The following ZNF385D variants were observed in gnomAD, a reference collection of about 807,000 sequenced individuals.
The protein encoded by ZNF385D is zinc finger protein 385D.
ZNF385D carries 15 observed loss-of-function variants against 35.8 expected under a neutral mutation model. The observed-to-expected ratio is 0.42, with a 90% CI of 0.28 to 0.64. The LOEUF (loss-of-function observed/expected upper bound fraction) is 0.64. ZNF385D is among the 30% of genes least tolerant of loss of function. The pLI is 0.23. For missense variants in ZNF385D, 474 were observed against 494.6 expected, an observed-to-expected ratio of 0.96 and a Z score of 0.39; for synonymous variants, 212 against 186.8, an observed-to-expected ratio of 1.13 and a Z score of -1.10.
At chr3:22,349,346 C>T (rs997499864) in intron 2 of ZNF385D, among the ~76,000 whole-genome samples, 1 of 152,084 alleles carries the variant, frequency 6.6e-6, no homozygotes, top group Non-Finnish European at 1.5e-5. Flanking sequence ...GAATAGTGTT[C>T]CTAGGGGACT....
At position 21,415,814 on chromosome 3, in the gene ZNF385D, T is replaced by C. The variant is rs1700554936; in HGVS notation, c.*5400A>G. Reference sequence around the variant, plus strand: ...CTGATCATATATATTAATAGTCAGATTTTACTTCGTTTGACAAATACATTT... The same window carrying C: ...CTGATCATATATATTAATAGTCAGACTTTACTTCGTTTGACAAATACATTT... On this transcript the variant is annotated 3_prime_UTR_variant, in exon 8 of 8. Coordinates refer to ENST00000281523, the MANE Select transcript of ZNF385D (RefSeq NM_024697.3). 1 of 152,038 alleles carries C rather than the reference T, an allele frequency of 6.6e-6. No homozygotes were observed. Among genetic ancestry groups the C allele is most frequent in the Admixed American group, 6.6e-5 (1 of 15,246 alleles). The allele number at this position is 152,038 out of a possible 1,614,324, so 9.4% of individuals were successfully genotyped here. A position where few individuals can be genotyped will look rare whatever the true frequency, so the allele number is the denominator to read the frequency against.
intron 7 of ZNF385D, among the ~76,000 whole-genome samples, chr3:21,421,833 G>T (rs113394622): frequency 6.6e-6 from 1 of 152,102 alleles, no homozygotes; most frequent in South Asian, 2.1e-4. Context: ...TTTTAATGCT[G>T]TCAAATGCCA....
intron 3 of ZNF385D, among the ~76,000 whole-genome samples, chr3:22,165,171 T>C: frequency 6.6e-6 from 1 of 152,194 alleles, no homozygotes; most frequent in African/African-American, 2.4e-5. Flanking sequence ...GTGATAGTGA[T>C]GTGTTGATGT....
chr3:21,839,724 A>C (rs4505727), intron 3 of ZNF385D, among the ~76,000 whole-genome samples: 1,935 of 152,156 alleles, frequency 0.013, 23 homozygotes, highest in South Asian at 0.027. Context: ...ATTATTTGGA[A>C]CATTTCCCAG....
At chr3:21,568,749 T>C (rs2063232466) in intron 2 of ZNF385D, among the ~76,000 whole-genome samples, 1 of 152,180 alleles carries the variant, frequency 6.6e-6, no homozygotes, top group Non-Finnish European at 1.5e-5. Context: ...TTTACCATCA[T>C]TGTTCAATGC....
At position 22,174,156 on chromosome 3, in the gene ZNF385D, A is replaced by G. The variant is rs373852684; in HGVS notation, c.107-5121T>C. Among the ~76,000 whole-genome samples, 11 of 152,294 alleles carry G rather than the reference A, an allele frequency of 7.2e-5. No homozygotes were observed. The East Asian group carries it at 1.9e-3, about 27-fold the overall frequency. On this transcript the variant is annotated intron_variant, in intron 2 of 5. Transcript: ENST00000494108. ...CTCCCACAATCATTAATATAAAATG[A>G]AAGTATGTAAAATAGTGTATTTTAG...
intron 1 of ZNF385D, among the ~76,000 whole-genome samples, chr3:21,684,609 C>T (rs967070180): frequency 3.3e-5 from 5 of 151,906 alleles, no homozygotes; most frequent in Admixed American, 2.0e-4. Context: ...TAAAGCATTA[C>T]ATTTTCTGAC....
intron 2 of ZNF385D, among the ~76,000 whole-genome samples, chr3:22,258,732 T>C (rs1700447904): frequency 6.6e-6 from 1 of 151,768 alleles, no homozygotes; most frequent in Admixed American, 6.6e-5. Context: ...ACTCAAATTG[T>C]TAAATATTTA....
At chr3:22,314,321 GC>G (rs974392877) in intron 2 of ZNF385D, among the ~76,000 whole-genome samples, 2 of 151,922 alleles carry the variant, frequency 1.3e-5, no homozygotes, top group African/African-American at 4.8e-5. Context: ...TCATTCTTAT[GC>G]CTTTGCACCC....
intron 3 of ZNF385D, among the ~76,000 whole-genome samples, chr3:22,127,957 G>A (rs767845456): frequency 5.9e-5 from 9 of 152,106 alleles, no homozygotes; most frequent in South Asian, 2.1e-4. Flanking sequence ...ATCTGTCTGT[G>A]TACTTAATAT....
intron 3 of ZNF385D, among the ~76,000 whole-genome samples, chr3:21,869,794 G>T (rs1697587406): frequency 6.6e-6 from 1 of 152,098 alleles, no homozygotes. Context: ...TAAGCCTGGA[G>T]CCAATCTAAG....
chr3:21,535,313 TA>T (rs1192455893), intron 3 of ZNF385D, among the ~76,000 whole-genome samples: 4 of 152,230 alleles, frequency 2.6e-5, no homozygotes, highest in East Asian at 3.9e-4. Context: ...ACCTAATACA[TA>T]AAAAATTCAC....
chr3:22,271,274 A>T (rs1701163836), intron 2 of ZNF385D, among the ~76,000 whole-genome samples: 1 of 152,040 alleles, frequency 6.6e-6, no homozygotes, highest in African/African-American at 2.4e-5. Context: ...GGACAGGAGT[A>T]AAGAAAAGGC....
chr3:21,762,217 T>A (rs961634410), intron 3 of ZNF385D, among the ~76,000 whole-genome samples: 1 of 152,094 alleles, frequency 6.6e-6, no homozygotes, highest in Non-Finnish European at 1.5e-5. Context: ...GAGGATAATA[T>A]TCGAAGTTCT....
chr3:22,022,627 C>A (rs1359542748), intron 3 of ZNF385D, among the ~76,000 whole-genome samples: 1 of 152,060 alleles, frequency 6.6e-6, no homozygotes, highest in Non-Finnish European at 1.5e-5. Context: ...CCGGATCCTA[C>A]CAGAAATCTA....
chr3:22,157,425 T>A (rs933963944), intron 3 of ZNF385D, among the ~76,000 whole-genome samples: 4 of 152,108 alleles, frequency 2.6e-5, no homozygotes, highest in Non-Finnish European at 4.4e-5. Context: ...AATTTTAAGG[T>A]TGTTTCCCCT....
intron 3 of ZNF385D, among the ~76,000 whole-genome samples, chr3:21,911,930 A>C (rs936298856): frequency 6.6e-6 from 1 of 152,052 alleles, no homozygotes; most frequent in African/African-American, 2.4e-5. Context: ...TTAATATATC[A>C]AACTAAAAAT....
At chr3:21,754,861 T>A (rs1045256996), upstream of ZNF385D, among the ~76,000 whole-genome samples, 3 of 152,236 alleles carry the variant, frequency 2.0e-5, no homozygotes, top group Non-Finnish European at 4.4e-5. Context: ...TATTTGTGAA[T>A]GAGGGAATGA....
chr3:22,037,569 T>C (rs1166651333), intron 3 of ZNF385D, among the ~76,000 whole-genome samples: 4 of 152,154 alleles, frequency 2.6e-5, no homozygotes, highest in Non-Finnish European at 4.4e-5. Flanking sequence ...GTTTTTTTCT[T>C]GTAAATTTGT....
Sources: gnomAD v4.1 joint callset for allele counts (sites outside exome capture counted in the v4.1 genomes callset) on GRCh38, gnomAD v4.1.1 for gene constraint, MANE v1.5 for transcripts, NCBI Gene and HGNC (gene_info 2026-07-23, HGNC 2026-07-21) for gene names.